ERBIN: variants seen among roughly 807,000 people sequenced by gnomAD.
ERBIN encodes densin-180-like protein.
Under a neutral mutation model 158.4 loss-of-function variants are expected in ERBIN, and 60 were observed. The observed-to-expected ratio is 0.38, with a 90% CI of 0.31 to 0.47. ERBIN has a LOEUF of 0.47. Among genes scored for constraint, ERBIN ranks in the 20% least tolerant of loss-of-function variants. ERBIN has a pLI of 0.99. For missense variants in ERBIN, 1,610 were observed against 1,648.0 expected (o/e 0.98, Z 0.40); for synonymous variants, 594 against 557.2 (o/e 1.07, Z -0.93).
At position 66,006,854 on chromosome 5, in the gene ERBIN, C is replaced by T. The variant is rs1289626471; in HGVS notation, c.308-5195C>T. ...ACCACAATGAGATACCATCTCACAC[C>T]AGTTAGAATGGCAGTCATTAAAAAG... On this transcript the variant is annotated intron_variant, in intron 4 of 25. Transcript: ENST00000284037. Among the ~76,000 whole-genome samples the T allele has an allele frequency of 5.1e-4, 77 of 152,050 alleles. 1 individual carries two copies. Among genetic ancestry groups the T allele is most frequent in the African/African-American group, 1.8e-3 (76 of 41,358 alleles).
At chr5:65,986,386 A>G (rs955159032) in intron 1 of ERBIN, among the ~76,000 whole-genome samples, 6 of 152,198 alleles carry the variant, frequency 3.9e-5, no homozygotes, top group African/African-American at 1.4e-4. Flanking sequence ...TATGAGTGAC[A>G]GAAGATTTGG....
At chr5:65,933,094 A>G (rs1028308822) in intron 1 of ERBIN, among the ~76,000 whole-genome samples, 7 of 152,138 alleles carry the variant, frequency 4.6e-5, no homozygotes, top group Non-Finnish European at 1.0e-4. Flanking sequence ...ACCTGGCCCA[A>G]TTTTGGTTTT....
intron 14 of ERBIN, among the ~76,000 whole-genome samples, chr5:66,031,717 G>T (rs78476937): frequency 0.022 from 3,313 of 152,216 alleles, 56 homozygotes; most frequent in Non-Finnish European, 0.033. Context: ...CTGTAGTCCA[G>T]GCTACTCAGG....
intron 14 of ERBIN, among the ~76,000 whole-genome samples, chr5:66,029,569 T>TCTGTTCTGTC (rs1554060885): frequency 1.5e-4 from 22 of 144,996 alleles, no homozygotes; most frequent in African/African-American, 5.9e-4. Flanking sequence ...TCTGTTCTGT[T>TCTGTTCTGTC]CTGTCCTGTC....
intron 7 of ERBIN, among the ~76,000 whole-genome samples, chr5:66,016,052 T>A (rs1181188976): frequency 6.6e-6 from 1 of 152,198 alleles, no homozygotes; most frequent in Non-Finnish European, 1.5e-5. Flanking sequence ...TTCCCCTTGG[T>A]TTCCCTTGAT....
At chr5:65,948,023 A>T (rs78835018) in intron 1 of ERBIN, among the ~76,000 whole-genome samples, 6,055 of 151,810 alleles carry the variant, frequency 0.04, 417 homozygotes, top group African/African-American at 0.14. Context: ...AAAAAAAAAA[A>T]AAATCTTAAA....
At chr5:66,034,127 A>AT (rs898281676) in intron 14 of ERBIN, among the ~76,000 whole-genome samples, 6 of 151,530 alleles carry the variant, frequency 4.0e-5, no homozygotes, top group African/African-American at 1.5e-4. Context: ...AAAAAAAAAA[A>AT]AAAGAATATG....
intron 25 of ERBIN, among the ~76,000 whole-genome samples, 156 bp downstream of exon 25, chr5:66,077,105 C>T (rs918322741): frequency 2.7e-5 from 4 of 147,278 alleles, no homozygotes; most frequent in Admixed American, 6.8e-5. Flanking sequence ...GAGCCGAGAT[C>T]GCGCCACTGT....
At position 65,960,984 on chromosome 5, in the gene ERBIN, CTT is replaced by C. The variant is rs914970035; in HGVS notation, c.-57-27648_-57-27647del. ...GTTATCATGTATTTTCAAAATGACT[CTT>C]TTGACAACCACTGACTGTCTTAATT... On this transcript the variant is annotated intron_variant, in intron 1 of 25. Transcript: ENST00000284037. 9.2e-5 allele frequency among the ~76,000 whole-genome samples: 14 copies of C among 152,216 alleles called. No individual in the cohort carries two copies. In the East Asian group the frequency reaches 2.1e-3, roughly 23 times the overall value.
intron 4 of ERBIN, among the ~76,000 whole-genome samples, chr5:65,999,763 G>C (rs768180712): frequency 6.6e-6 from 1 of 152,070 alleles, no homozygotes; most frequent in Non-Finnish European, 1.5e-5. Flanking sequence ...AATGTCTGCC[G>C]TTTCAGACTT....
intron 1 of ERBIN, among the ~76,000 whole-genome samples, chr5:65,957,596 A>G (rs1747335542): frequency 6.6e-6 from 1 of 152,350 alleles, no homozygotes; most frequent in African/African-American, 2.4e-5. Flanking sequence ...AACAAAATGG[A>G]GTCTCCCATG....
chr5:65,971,687 C>T lies in ERBIN; in HGVS notation c.-57-16948C>T, dbSNP rs540322705. The stretch of plus-strand genomic sequence containing the variant: ...ATTTTTCTCTCTTCAGATGAGCATT[C>T]TCTTTCTATGTCCATATGGTAGAAG... On this transcript the variant is annotated intron_variant, in intron 1 of 25. Coordinates refer to ENST00000284037, the MANE Select transcript of ERBIN (RefSeq NM_001253697.2). 1.4e-4 allele frequency among the ~76,000 whole-genome samples: 21 copies of T among 152,274 alleles called. No homozygotes were observed. The East Asian group carries it at 3.9e-3, about 28-fold the overall frequency.
At chr5:66,049,436 A>T (rs1758800636) in intron 19 of ERBIN, among the ~76,000 whole-genome samples, 1 of 152,144 alleles carries the variant, frequency 6.6e-6, no homozygotes. Context: ...TTCATTTTGT[A>T]GTAGTGATAC....
intron 4 of ERBIN, among the ~76,000 whole-genome samples, chr5:65,998,088 G>C (rs755488459): frequency 5.9e-5 from 9 of 151,824 alleles, no homozygotes; most frequent in African/African-American, 1.7e-4. Flanking sequence ...TTAGCCAGGC[G>C]TGGTGGCACG....
intron 21 of ERBIN, among the ~76,000 whole-genome samples, chr5:66,066,704 T>C (rs1385855377): frequency 6.6e-6 from 1 of 152,182 alleles, no homozygotes; most frequent in East Asian, 1.9e-4. Flanking sequence ...AACTCAGATA[T>C]TAAGCATTCC....
Position 66,024,510 on chromosome 5 carries a change from A to G in ERBIN, c.817+60A>G. On this transcript the variant is annotated intron_variant, in intron 10 of 25. Transcript: ENST00000284037. Reference sequence around the variant, plus strand: ...TAAAATAAATTCGAGACTTCCACATAATCTCAAATTTCACTTGTTATGAGG... The same window carrying G: ...TAAAATAAATTCGAGACTTCCACATGATCTCAAATTTCACTTGTTATGAGG... The G allele has an allele frequency of 2.7e-6, 4 of 1,493,838 alleles. 1 individual carries two copies. The South Asian group carries it at 3.8e-5, about 14-fold the overall frequency. The allele number at this position is 1,493,838 out of a possible 1,614,324, so 92.5% of individuals were successfully genotyped here.
chr5:66,072,710 A>G (rs1004477400), intron 22 of ERBIN, among the ~76,000 whole-genome samples: 2 of 152,190 alleles, frequency 1.3e-5, no homozygotes, highest in Non-Finnish European at 2.9e-5. Context: ...AATCATCTTG[A>G]AAGACTTTTG....
intron 1 of ERBIN, among the ~76,000 whole-genome samples, chr5:65,927,937 G>A (rs895140160): frequency 6.6e-6 from 1 of 152,104 alleles, no homozygotes; most frequent in Non-Finnish European, 1.5e-5. Flanking sequence ...ACAGGGAGGT[G>A]AAATACAATA....
chr5:65,930,401 A>G (rs1277406664), intron 1 of ERBIN, among the ~76,000 whole-genome samples: 1 of 152,040 alleles, frequency 6.6e-6, no homozygotes, highest in Non-Finnish European at 1.5e-5. Context: ...CGCCTCCCCC[A>G]GGTTCACGCC....
Sources: gnomAD v4.1 joint callset for allele counts (sites outside exome capture counted in the v4.1 genomes callset) on GRCh38, gnomAD v4.1.1 for gene constraint, MANE v1.5 for transcripts, NCBI Gene and HGNC (gene_info 2026-07-23, HGNC 2026-07-21) for gene names.